GABRG3: variants seen among roughly 807,000 people sequenced by gnomAD.
The protein encoded by GABRG3 is gamma-aminobutyric acid type A receptor subunit gamma3, also known as gamma-aminobutyric acid receptor subunit gamma-3.
GABRG3 carries 25 observed loss-of-function variants against 48.8 expected under a neutral mutation model. The ratio of observed to expected loss-of-function variants is 0.51; its 90% CI spans 0.37 to 0.72. The LOEUF (loss-of-function observed/expected upper bound fraction) is 0.72. Among genes scored for constraint, GABRG3 ranks in the 30% least tolerant of loss-of-function variants. The probability of loss-of-function intolerance (pLI) is 0.00; values close to 1 mark genes in which losing one functional copy is unlikely to be tolerated. For synonymous variants in GABRG3, 227 were observed against 217.6 expected (o/e 1.04, Z -0.38); for missense variants, 394 against 577.9 (o/e 0.68, Z 3.26).
rs1021919272 is a variant in GABRG3 at position 27,533,636 on chromosome 15, T to C, written c.*755T>C. The C allele has an allele frequency of 2.6e-5, 4 of 152,348 alleles. No homozygotes were observed. The highest frequency in any genetic ancestry group is 2.4e-5 in the African/African-American group (1 of 41,566). 9.4% of individuals were successfully genotyped at this position (152,348 alleles called of 1,614,324 possible). A position where few individuals can be genotyped will look rare whatever the true frequency, so the allele number is the denominator to read the frequency against. On this transcript the variant is annotated 3_prime_UTR_variant, in exon 10 of 10. Coordinates refer to ENST00000615808, the MANE Select transcript of GABRG3 (RefSeq NM_033223.5). ...CAACAATATTTGAACTTTGGGTTCT[T>C]GGACTAGTTCAACAGCATTTCACCT...
At chr15:27,411,430 G>A (rs1447986049) in intron 5 of GABRG3, among the ~76,000 whole-genome samples, 2 of 152,128 alleles carry the variant, frequency 1.3e-5, no homozygotes, top group Non-Finnish European at 2.9e-5. Context: ...TCACAGAAAT[G>A]AGAAATGGGG....
chr15:27,388,223 AGGAAAGGGAGG>A (rs1342271789), intron 5 of GABRG3, among the ~76,000 whole-genome samples: 8 of 70,030 alleles, frequency 1.1e-4, no homozygotes, highest in South Asian at 7.0e-4. Flanking sequence ...GGAGGAAGGA[AGGAAAGGGAGG>A]AGGGAGGGAG....
At chr15:27,156,837 G>A (rs1241133893) in intron 3 of GABRG3, among the ~76,000 whole-genome samples, 1 of 152,186 alleles carries the variant, frequency 6.6e-6, no homozygotes, top group Non-Finnish European at 1.5e-5. Context: ...GAATTCGATG[G>A]TGTGGAGTGT....
chr15:27,295,479 G>A lies in GABRG3; in HGVS notation c.271-31330G>A, dbSNP rs111869240. 4.1e-3 allele frequency among the ~76,000 whole-genome samples: 628 copies of A among 152,252 alleles called. 4 individuals carry two copies. The highest frequency in any genetic ancestry group is 0.014 in the African/African-American group (581 of 41,548). ...GGACCCAGTGAAGGTAACCACAAGG[G>A]CTGGACAAACTGTCAAAATCCTGCT... On this transcript the variant is annotated intron_variant, in intron 3 of 9. Coordinates refer to ENST00000615808, the MANE Select transcript of GABRG3 (RefSeq NM_033223.5).
chr15:27,084,072 G>T (rs1294857692), intron 3 of GABRG3, among the ~76,000 whole-genome samples: 1 of 152,190 alleles, frequency 6.6e-6, no homozygotes, highest in Non-Finnish European at 1.5e-5. Context: ...TGAGAACCCT[G>T]GGTCCCAGTA....
At chr15:27,037,169 T>A (rs1475961397) in intron 3 of GABRG3, among the ~76,000 whole-genome samples, 2 of 152,188 alleles carry the variant, frequency 1.3e-5, no homozygotes, top group Non-Finnish European at 2.9e-5. Context: ...GCTGACACCT[T>A]GATCTCGGCC....
intron 3 of GABRG3, among the ~76,000 whole-genome samples, chr15:27,225,243 G>T (rs1480953279): frequency 6.6e-6 from 1 of 152,038 alleles, no homozygotes; most frequent in East Asian, 1.9e-4. Context: ...GTCTTCCCTT[G>T]TCCTTCCCAT....
At chr15:27,181,519 C>T (rs1238235004) in intron 3 of GABRG3, among the ~76,000 whole-genome samples, 1 of 152,170 alleles carries the variant, frequency 6.6e-6, no homozygotes, top group Non-Finnish European at 1.5e-5. Flanking sequence ...GCCTGGAAAA[C>T]AGGTTTGAAG....
rs1889783295 is a variant in GABRG3 at position 27,231,092 on chromosome 15, T to A, written c.271-95717T>A. 4.0e-5 allele frequency among the ~76,000 whole-genome samples: 6 copies of A among 151,788 alleles called. No homozygotes were observed. The South Asian group carries it at 1.0e-3, about 26-fold the overall frequency. On this transcript the variant is annotated intron_variant, in intron 3 of 9. Coordinates refer to ENST00000615808, the MANE Select transcript of GABRG3 (RefSeq NM_033223.5). Reference sequence around the variant, plus strand: ...AAGGAAATTCAAGAAAATAGAAAAATTTTAAAAACACTTATTCTATAGGAA... The same window carrying A: ...AAGGAAATTCAAGAAAATAGAAAAAATTTAAAAACACTTATTCTATAGGAA...
chr15:27,026,591 G>C (rs1895986979), intron 2 of GABRG3, among the ~76,000 whole-genome samples, 163 bp from the exon 3 acceptor site: 2 of 152,180 alleles, frequency 1.3e-5, no homozygotes, highest in African/African-American at 4.8e-5. Context: ...AAGGCAGGCA[G>C]GGCTTGAATT....
In GABRG3 at chr15:27,539,405, A is replaced by C. The variant is rs902115328; in HGVS notation, c.*6524A>C. The C allele has an allele frequency of 4.6e-5, 7 of 152,148 alleles. No individual in the cohort carries two copies. Among genetic ancestry groups the C allele is most frequent in the African/African-American group, 1.7e-4 (7 of 41,430 alleles). 9.4% of individuals were successfully genotyped at this position (152,148 alleles called of 1,614,324 possible). On this transcript the variant is annotated 3_prime_UTR_variant, in exon 10 of 10. Coordinates refer to ENST00000615808, the MANE Select transcript of GABRG3 (RefSeq NM_033223.5). ...GTGCCCACCCACAGCACTTCCTTGG[A>C]ACTCTAAGCTGCTTCTCTAATCTAA...
At chr15:27,251,174 G>C (rs891412571) in intron 3 of GABRG3, among the ~76,000 whole-genome samples, 4 of 152,200 alleles carry the variant, frequency 2.6e-5, no homozygotes, top group African/African-American at 9.7e-5. Context: ...GTTCCCCTAA[G>C]AGAGAATGTC....
At chr15:27,225,641 C>T (rs1400001912) in intron 3 of GABRG3, among the ~76,000 whole-genome samples, 1 of 152,154 alleles carries the variant, frequency 6.6e-6, no homozygotes, top group Non-Finnish European at 1.5e-5. Flanking sequence ...TCCTGCTTCC[C>T]TACCCACCAC....
At chr15:27,515,861 A>G (rs910214053) in intron 6 of GABRG3, among the ~76,000 whole-genome samples, 9 of 152,216 alleles carry the variant, frequency 5.9e-5, no homozygotes, top group Non-Finnish European at 1.2e-4. Flanking sequence ...ATGGGATGAT[A>G]AATTCAGGTG....
intron 3 of GABRG3, among the ~76,000 whole-genome samples, chr15:27,027,939 G>C (rs555796297): frequency 6.6e-6 from 1 of 152,042 alleles, no homozygotes; most frequent in Non-Finnish European, 1.5e-5. Context: ...ACACCTTTAC[G>C]TCTAACATGT....
chr15:26,993,388 CTTTGGTATGT>C (rs1452390135), intron 2 of GABRG3, among the ~76,000 whole-genome samples: 1 of 151,912 alleles, frequency 6.6e-6, no homozygotes, highest in Non-Finnish European at 1.5e-5. Flanking sequence ...TTCCCATAGA[CTTTGGTATGT>C]TGTGTTTCCA....
intron 3 of GABRG3, among the ~76,000 whole-genome samples, chr15:27,107,077 C>T (rs2140368265): frequency 6.6e-6 from 1 of 152,140 alleles, no homozygotes. Context: ...AAAAAATCAT[C>T]CTCGCCATAT....
At chr15:27,324,357 C>T (rs982048484) in intron 3 of GABRG3, among the ~76,000 whole-genome samples, 8 of 152,094 alleles carry the variant, frequency 5.3e-5, no homozygotes, top group Non-Finnish European at 1.2e-4. Context: ...TGGAAAAGGG[C>T]CAGCCTAAGT....
intron 3 of GABRG3, among the ~76,000 whole-genome samples, chr15:27,196,034 C>T (rs1380365676): frequency 6.6e-6 from 1 of 152,162 alleles, no homozygotes; most frequent in African/African-American, 2.4e-5. Context: ...TCACAGGCAT[C>T]TTCCCTTGGA....
Sources: allele counts gnomAD v4.1 joint callset (sites outside exome capture counted in the v4.1 genomes callset), GRCh38; gene constraint gnomAD v4.1.1; transcripts MANE v1.5; gene names NCBI Gene and HGNC (gene_info 2026-07-23, HGNC 2026-07-21).